The following ARHGEF6 variants were observed in gnomAD, a reference collection of about 807,000 sequenced individuals.
ARHGEF6 encodes rho guanine nucleotide exchange factor 6.
ARHGEF6 carries 9 observed loss-of-function variants against 70.3 expected under a neutral mutation model. The ratio of observed to expected loss-of-function variants is 0.13; its 90% CI spans 0.08 to 0.22. The LOEUF (loss-of-function observed/expected upper bound fraction) is 0.22. ARHGEF6 is among the 10% of genes least tolerant of loss of function. The pLI is 1.00. For synonymous variants in ARHGEF6, 201 were observed against 207.8 expected, an observed-to-expected ratio of 0.97 and a Z score of 0.28; for missense variants, 470 against 563.0, an observed-to-expected ratio of 0.83 and a Z score of 1.67.
intron 10 of ARHGEF6, 117 bp from the exon 11 acceptor site, chrX:136,688,108 A>G: frequency 1.8e-6 from 1 of 556,914 alleles, no homozygotes; most frequent in Non-Finnish European, 3.2e-6. Flanking sequence ...TTGGGGGATG[A>G]TGGAACTGTT....
chrX:136,674,431 G>A (rs984828654), intron 19 of ARHGEF6, among the ~76,000 whole-genome samples: 1 of 112,495 alleles, frequency 8.9e-6, no homozygotes, highest in African/African-American at 3.2e-5. Flanking sequence ...CTTGCTTTCA[G>A]TTTGTAACCT....
chrX:136,739,615 T>C (rs1440253639), intron 5 of ARHGEF6, among the ~76,000 whole-genome samples: 6 of 112,483 alleles, frequency 5.3e-5, no homozygotes, highest in African/African-American at 1.9e-4. Flanking sequence ...TAAACGTGTA[T>C]TATGTTAGAC....
chrX:136,745,092 T>G (rs2077082301), intron 4 of ARHGEF6, 131 bp downstream of exon 4: 4 of 902,162 alleles, frequency 4.4e-6, no homozygotes, highest in Admixed American at 2.2e-5. Context: ...GGTGCTCGGT[T>G]TATAATTAGT....
At chrX:136,775,227 G>A in intron 2 of ARHGEF6, among the ~76,000 whole-genome samples, 1 of 110,913 alleles carries the variant, frequency 9.0e-6, no homozygotes, top group East Asian at 2.8e-4. Context: ...ACCAAAACCA[G>A]AAACAGACAT....
chrX:136,774,978 CA>C (rs2077392569), intron 2 of ARHGEF6, among the ~76,000 whole-genome samples: 1 of 110,862 alleles, frequency 9.0e-6, no homozygotes. Flanking sequence ...GTGAAGGAAG[CA>C]AAGTTTATCT....
At chrX:136,690,242 GT>G (rs1039927393) in intron 10 of ARHGEF6, among the ~76,000 whole-genome samples, 1 of 111,643 alleles carries the variant, frequency 9.0e-6, no homozygotes, top group Admixed American at 9.6e-5. Context: ...CCACAATAAA[GT>G]TGGTTAATAT....
chrX:136,701,190 G>A (rs1471261803), intron 9 of ARHGEF6, among the ~76,000 whole-genome samples: 2 of 109,914 alleles, frequency 1.8e-5, no homozygotes, highest in Non-Finnish European at 3.8e-5. Flanking sequence ...GAAAAGAGAA[G>A]AAATATTTAA....
chrX:136,683,208 T>A lies in ARHGEF6; in HGVS notation c.1393-364A>T, dbSNP rs192027887. On this transcript the variant is annotated intron_variant, in intron 12 of 21. Coordinates refer to ENST00000250617, the MANE Select transcript of ARHGEF6 (RefSeq NM_004840.3). Reference sequence around the variant, plus strand: ...TTCACAAAATGAAAATATATTTTACTTTGAAAAAATGGCAAGATGAAGGGG... The same window carrying A: ...TTCACAAAATGAAAATATATTTTACATTGAAAAAATGGCAAGATGAAGGGG... Among the ~76,000 whole-genome samples the A allele has an allele frequency of 2.9e-3, 324 of 111,955 alleles. 1 individual carries two copies. The highest frequency in any genetic ancestry group is 1.0e-2 in the African/African-American group (308 of 30,853).
Position 136,743,802 on chromosome X carries a change from C to T in ARHGEF6, c.460-16G>A, listed in dbSNP as rs145712786. 970 of 1,195,003 alleles carry T rather than the reference C, an allele frequency of 8.1e-4. 8 individuals carry two copies. In the African/African-American group the frequency reaches 0.015, roughly 19 times the overall value. On this transcript the variant is annotated splice_polypyrimidine_tract_variant and intron_variant, in intron 4 of 21. Coordinates refer to ENST00000250617, the MANE Select transcript of ARHGEF6 (RefSeq NM_004840.3). ...CCGTCATCTCCTAGAGAAACAAAAG[C>T]CACACCAGATTAAGCACTCATCTAA...
intron 9 of ARHGEF6, 103 bp from the exon 10 acceptor site, chrX:136,690,851 TAA>T: frequency 1.0e-6 from 1 of 959,752 alleles, no homozygotes; most frequent in Non-Finnish European, 1.5e-6. Context: ...TAAAGCCAAA[TAA>T]AAATGTGTTT....
chrX:136,741,537 T>TG (rs1242623982), intron 5 of ARHGEF6, among the ~76,000 whole-genome samples: 242 of 105,619 alleles, frequency 2.3e-3, no homozygotes, highest in African/African-American at 7.9e-3. Context: ...TTTTTTTTTT[T>TG]TGTGTGTGTG....
Position 136,727,323 on chromosome X carries a change from CTTTTTCTTTCTTTCTT to C in ARHGEF6, c.732+4763_732+4778del, listed in dbSNP as rs1347265530. 1.6e-3 allele frequency among the ~76,000 whole-genome samples: 120 copies of C among 75,636 alleles called. 1 individual carries two copies. Among genetic ancestry groups the C allele is most frequent in the African/African-American group, 7.0e-3 (113 of 16,210 alleles). 65.7% of individuals were successfully genotyped at this position (75,636 alleles called of 115,157 possible). A position where few individuals can be genotyped will look rare whatever the true frequency, so the allele number is the denominator to read the frequency against. Reference sequence around the variant, plus strand: ...GTCTGTAGTCTTTCTTTCTTTCTTTCTTTTTCTTTCTTTCTTTCTTTCTTTCTTTCTTTCTTTCTTT... The same window carrying C: ...GTCTGTAGTCTTTCTTTCTTTCTTTCTCTTTCTTTCTTTCTTTCTTTCTTT... On this transcript the variant is annotated intron_variant, in intron 6 of 21. Coordinates refer to ENST00000250617, the MANE Select transcript of ARHGEF6 (RefSeq NM_004840.3).
intron 2 of ARHGEF6, among the ~76,000 whole-genome samples, chrX:136,772,677 T>C (rs922985684): frequency 9.0e-6 from 1 of 111,403 alleles, no homozygotes. Context: ...GGCTGGACAA[T>C]ATGGCAAAAC....
At chrX:136,747,683 G>GAA in intron 2 of ARHGEF6, 91 bp from the exon 3 acceptor site, 11 of 178,925 alleles carry the variant, frequency 6.1e-5, no homozygotes, top group South Asian at 1.7e-4. Flanking sequence ...CCAGCTCTCC[G>GAA]GAAAAAAAAA....
chrX:136,767,640 G>A (rs1261651796), intron 2 of ARHGEF6: 1 of 752,788 alleles, frequency 1.3e-6, no homozygotes, highest in African/African-American at 2.3e-5. Flanking sequence ...GCGAGTGGAG[G>A]GGAGCGACTG....
chrX:136,759,608 C>A (rs963228523), intron 2 of ARHGEF6, among the ~76,000 whole-genome samples: 3 of 91,605 alleles, frequency 3.3e-5, no homozygotes, highest in African/African-American at 8.6e-5. Flanking sequence ...CCAGCCTGGG[C>A]AAAACAGCAG....
intron 5 of ARHGEF6, among the ~76,000 whole-genome samples, chrX:136,733,879 C>T (rs760977121): frequency 1.8e-5 from 2 of 111,825 alleles, no homozygotes; most frequent in Non-Finnish European, 3.8e-5. Context: ...TACTGAAGGT[C>T]TTGGTCAATG....
At chrX:136,764,199 T>C (rs1316079978) in intron 2 of ARHGEF6, among the ~76,000 whole-genome samples, 2 of 110,968 alleles carry the variant, frequency 1.8e-5, no homozygotes, top group Non-Finnish European at 3.8e-5. Context: ...GCTTGTCTGA[T>C]TTGGGAAATG....
intron 9 of ARHGEF6, among the ~76,000 whole-genome samples, chrX:136,705,731 A>G (rs2076620390): frequency 8.9e-6 from 1 of 112,401 alleles, no homozygotes; most frequent in Non-Finnish European, 1.9e-5. Context: ...CATATTTGCT[A>G]TTCCATAAGA....
Sources: gnomAD v4.1 joint callset for allele counts (sites outside exome capture counted in the v4.1 genomes callset) on GRCh38, gnomAD v4.1.1 for gene constraint, MANE v1.5 for transcripts, NCBI Gene and HGNC (gene_info 2026-07-23, HGNC 2026-07-21) for gene names.